Variants in IDO2 observed in about 807,000 individuals in gnomAD.
IDO2 encodes the protein indoleamine 2,3-dioxygenase 2.
IDO2 carries 46 observed loss-of-function variants against 45.1 expected under a neutral mutation model. That is an observed-to-expected ratio of 1.02 (90% confidence interval 0.80 to 1.30). The LOEUF is 1.30. Ranked by LOEUF, IDO2 falls within the 50% of genes most tolerant of loss-of-function variation. The pLI is 0.00. For missense variants in IDO2, 544 were observed against 491.8 expected, an observed-to-expected ratio of 1.11 and a Z score of -1.00; for synonymous variants, 218 against 184.9, an observed-to-expected ratio of 1.18 and a Z score of -1.45.
intron 2 of IDO2, among the ~76,000 whole-genome samples, chr8:39,959,687 G>T (rs1807964027): frequency 6.6e-6 from 1 of 152,094 alleles, no homozygotes; most frequent in Non-Finnish European, 1.5e-5. Flanking sequence ...GCCAGGCATG[G>T]TGACATGCCC....
chr8:39,973,222 T>C (rs1585406321), intron 3 of IDO2, among the ~76,000 whole-genome samples: 1 of 152,298 alleles, frequency 6.6e-6, no homozygotes, highest in Admixed American at 6.5e-5. Context: ...TATGAAGTCA[T>C]GTTTTGTTTA....
At chr8:39,980,330 T>G (rs1808324608) in intron 4 of IDO2, among the ~76,000 whole-genome samples, 1 of 152,162 alleles carries the variant, frequency 6.6e-6, no homozygotes, top group African/African-American at 2.4e-5. Flanking sequence ...GGTCTTCTGA[T>G]TTTACTAGTG....
At chr8:39,978,287 A>T (rs1345626159) in intron 3 of IDO2, among the ~76,000 whole-genome samples, 2 of 152,074 alleles carry the variant, frequency 1.3e-5, no homozygotes, top group Non-Finnish European at 2.9e-5. Flanking sequence ...CCGGGAGGGG[A>T]CCACCCGGGA....
At chr8:39,949,473 T>G (rs1392694690) in intron 2 of IDO2, among the ~76,000 whole-genome samples, 7 of 152,194 alleles carry the variant, frequency 4.6e-5, no homozygotes. Context: ...TGGAACATTT[T>G]TTGTTTCAGT....
chr8:39,971,509 G>A (rs1808178602), intron 3 of IDO2, among the ~76,000 whole-genome samples: 1 of 152,122 alleles, frequency 6.6e-6, no homozygotes, highest in Non-Finnish European at 1.5e-5. Context: ...ACTATACTTT[G>A]TAAGGCTATT....
chr8:39,989,175 G>A (rs1046440777), intron 7 of IDO2, among the ~76,000 whole-genome samples: 6 of 152,074 alleles, frequency 3.9e-5, no homozygotes, highest in African/African-American at 1.2e-4. Flanking sequence ...GAGCAAAGGG[G>A]GGAGCTGCCA....
At chr8:39,958,225 G>A (rs912676201) in intron 2 of IDO2, among the ~76,000 whole-genome samples, 5 of 151,788 alleles carry the variant, frequency 3.3e-5, no homozygotes, top group African/African-American at 1.2e-4. Flanking sequence ...TTTTTGAGAC[G>A]GAGTCTTGCT....
intron 2 of IDO2, among the ~76,000 whole-genome samples, chr8:39,961,876 T>C (rs1394971297): frequency 6.6e-6 from 1 of 152,190 alleles, no homozygotes; most frequent in Non-Finnish European, 1.5e-5. Flanking sequence ...AGCCCAAAAA[T>C]TCAATTGTGC....
At chr8:39,978,527 G>A (rs1360225729) in intron 3 of IDO2, among the ~76,000 whole-genome samples, 2 of 152,080 alleles carry the variant, frequency 1.3e-5, no homozygotes, top group East Asian at 3.9e-4. Flanking sequence ...ATGGCAACAG[G>A]GCTATAGGCA....
intron 2 of IDO2, among the ~76,000 whole-genome samples, chr8:39,959,283 ATTT>A (rs68172769): frequency 6.8e-6 from 1 of 147,372 alleles, no homozygotes; most frequent in African/African-American, 2.5e-5. Context: ...AATTTTTTCT[ATTT>A]TTTTTTTTTA....
intron 3 of IDO2, among the ~76,000 whole-genome samples, chr8:39,969,463 C>A (rs1465818331): frequency 1.3e-5 from 2 of 152,168 alleles, no homozygotes; most frequent in Non-Finnish European, 2.9e-5. Flanking sequence ...CTCTCTCCCC[C>A]TCCTCAGGCC....
intron 2 of IDO2, among the ~76,000 whole-genome samples, chr8:39,958,949 A>G (rs6990252): frequency 0.19 from 28,765 of 152,112 alleles, 2,724 homozygotes; most frequent in East Asian, 0.27. Context: ...GAAACAAAAG[A>G]ATGGCTGTGT....
At chr8:39,966,277 T>G (rs1808084646) in intron 3 of IDO2, among the ~76,000 whole-genome samples, 1 of 152,072 alleles carries the variant, frequency 6.6e-6, no homozygotes. Flanking sequence ...TCCACCAGCC[T>G]CAGCCTCCCA....
rs1462746754 is a variant in IDO2, at chr8:39,981,842, T to TCG, written c.316-810_316-809insCG. 5.8e-4 allele frequency among the ~76,000 whole-genome samples: 89 copies of TCG among 152,294 alleles called. 1 individual carries two copies. Among genetic ancestry groups the TCG allele is most frequent in the Middle Eastern group, 3.4e-3 (1 of 294 alleles). ...GGTTTGAATCTAGACTCGTTCAGCCTTTACCTCCGATAGAGAACCTCATAC... is the reference window on the plus strand; with the variant it reads ...GGTTTGAATCTAGACTCGTTCAGCCTCGTTACCTCCGATAGAGAACCTCATAC... On this transcript the variant is annotated intron_variant, in intron 4 of 10. Coordinates refer to ENST00000502986, the Ensembl canonical transcript of IDO2.
intron 6 of IDO2, among the ~76,000 whole-genome samples, chr8:39,986,614 A>G (rs1325323576): frequency 6.6e-6 from 1 of 152,150 alleles, no homozygotes; most frequent in Non-Finnish European, 1.5e-5. Flanking sequence ...ACAGCAGATC[A>G]TTTAGAAATG....
rs1327704435 is a variant in IDO2, at chr8:39,968,895, A to C, written c.195+5192A>C. ...AGCAAATTTTTAAAAAAGTAAAAAA[A>C]AAAAAAACAAACAACAACACCTAAC... On this transcript the variant is annotated intron_variant, in intron 3 of 10. Coordinates refer to ENST00000502986, the Ensembl canonical transcript of IDO2. Among the ~76,000 whole-genome samples, 6 of 152,150 alleles carry C rather than the reference A, an allele frequency of 3.9e-5. No individual in the cohort carries two copies. The East Asian group carries it at 9.6e-4, about 24-fold the overall frequency.
Position 39,951,745 on chromosome 8 carries a change from G to A in IDO2, c.99+2481G>A, listed in dbSNP as rs190159368. ...CAGGAATATCCTGCCTAGTTCCAAAGGAAGAAAAGACCAAATTGCTCTTAT... is the reference window on the plus strand; with the variant it reads ...CAGGAATATCCTGCCTAGTTCCAAAAGAAGAAAAGACCAAATTGCTCTTAT... On this transcript the variant is annotated intron_variant, in intron 2 of 10. Transcript: ENST00000502986. Among the ~76,000 whole-genome samples the A allele has an allele frequency of 2.0e-3, 298 of 152,286 alleles. 1 individual carries two copies. The highest frequency in any genetic ancestry group is 3.1e-3 in the Non-Finnish European group (213 of 68,018).
At chr8:39,950,467 G>T (rs922942328) in intron 2 of IDO2, among the ~76,000 whole-genome samples, 1 of 152,206 alleles carries the variant, frequency 6.6e-6, no homozygotes, top group African/African-American at 2.4e-5. Context: ...GGAGGGGGAG[G>T]TTGCAATGAG....
chr8:39,947,249 T>C (rs1807749339), intron 1 of IDO2, among the ~76,000 whole-genome samples: 1 of 150,016 alleles, frequency 6.7e-6, no homozygotes, highest in African/African-American at 2.5e-5. Context: ...GTAAAGTAGA[T>C]ATTCCTCTTC....
Sources: gnomAD v4.1 joint callset for allele counts (sites outside exome capture counted in the v4.1 genomes callset) on GRCh38, gnomAD v4.1.1 for gene constraint, MANE v1.5 for transcripts, NCBI Gene and HGNC (gene_info 2026-07-23, HGNC 2026-07-21) for gene names.